Variants in FARP2 observed in about 807,000 individuals in gnomAD.
The protein encoded by FARP2 is FERM, ARHGEF and pleckstrin domain-containing protein 2.
FARP2 carries 111 observed loss-of-function variants against 130.5 expected under a neutral mutation model. That is an observed-to-expected ratio of 0.85 (90% CI 0.73 to 1.00). The LOEUF (loss-of-function observed/expected upper bound fraction) is 1.00, where lower values mean the gene tolerates loss of function less well. Among genes scored for constraint, FARP2 ranks in the 50% least tolerant of loss-of-function variants. The pLI is 0.00. For synonymous variants in FARP2, 504 were observed against 516.9 expected, an observed-to-expected ratio of 0.98 and a Z score of 0.34; for missense variants, 1,385 against 1,346.3, an observed-to-expected ratio of 1.03 and a Z score of -0.45.
At chr2:241,401,876 G>A (rs1014460688) in intron 2 of FARP2, among the ~76,000 whole-genome samples, 1 of 151,630 alleles carries the variant, frequency 6.6e-6, no homozygotes, top group Non-Finnish European at 1.5e-5. Flanking sequence ...TGCAACATCC[G>A]CCTCCCGGGT....
At chr2:241,493,783 G>T (rs780172103) in intron 26 of FARP2, 1 of 485,034 alleles carries the variant, frequency 2.1e-6, no homozygotes, top group Admixed American at 3.7e-5. Context: ...TTTTAGTAGA[G>T]ACAGGGTTTC....
intron 13 of FARP2, among the ~76,000 whole-genome samples, chr2:241,448,401 A>G (rs999451837): frequency 1.3e-5 from 2 of 152,244 alleles, no homozygotes; most frequent in Admixed American, 1.3e-4. Context: ...TTCTTCAAAT[A>G]TGTCAGTTCA....
chr2:241,357,676 C>T (rs13413380), intron 1 of FARP2, among the ~76,000 whole-genome samples: 28,915 of 152,028 alleles, frequency 0.19, 3,087 homozygotes, highest in Middle Eastern at 0.35. Flanking sequence ...TCTCATGTGC[C>T]CTATCCTTGT....
chr2:241,478,699 TGTAAA>T (rs1393134180), intron 19 of FARP2: 3 of 479,500 alleles, frequency 6.3e-6, no homozygotes, highest in African/African-American at 2.0e-5. Context: ...TAATAAAACT[TGTAAA>T]GGACAAAATT....
chr2:241,489,739 T>G, intron 21 of FARP2: 1 of 467,980 alleles, frequency 2.1e-6, no homozygotes, highest in Non-Finnish European at 3.8e-6. Flanking sequence ...CCGGTGAGTA[T>G]TTGGGTGCCC....
At chr2:241,426,285 G>A (rs2062938189) in intron 8 of FARP2, among the ~76,000 whole-genome samples, 1 of 152,158 alleles carries the variant, frequency 6.6e-6, no homozygotes, top group Middle Eastern at 3.2e-3. Context: ...ACATGCCGGT[G>A]AAGCAAATGA....
rs145924606 is a variant in FARP2, at chr2:241,458,449, G to A, written c.1587+1527G>A. Among the ~76,000 whole-genome samples the A allele has an allele frequency of 5.9e-5, 9 of 152,306 alleles. No homozygotes were observed. The East Asian group carries it at 1.7e-3, about 29-fold the overall frequency. ...ACTCTCAGCAGGTAGGATGGCACAGGCAGGGCAGTCTCCTCCTTCCTGGTG... is the reference window on the plus strand; with the variant it reads ...ACTCTCAGCAGGTAGGATGGCACAGACAGGGCAGTCTCCTCCTTCCTGGTG... On this transcript the variant is annotated intron_variant, in intron 14 of 26. Transcript: ENST00000264042.
intron 13 of FARP2, among the ~76,000 whole-genome samples, chr2:241,452,198 A>G (rs1042271941): frequency 3.9e-5 from 6 of 152,222 alleles, no homozygotes; most frequent in Admixed American, 3.3e-4. Flanking sequence ...ATCCTGTCGT[A>G]TGTCACTGTG....
At chr2:241,409,745 TC>T (rs1429042576) in intron 5 of FARP2, among the ~76,000 whole-genome samples, 5 of 152,130 alleles carry the variant, frequency 3.3e-5, no homozygotes, top group African/African-American at 1.2e-4. Context: ...GGTTGATTTT[TC>T]CCCCCACTTA....
chr2:241,466,669 C>T, intron 17 of FARP2: 1 of 915,990 alleles, frequency 1.1e-6, no homozygotes, highest in East Asian at 1.3e-4. Context: ...GCCAGCCCCG[C>T]CTTCACTCCC....
chr2:241,388,997 G>A (rs139338485), intron 2 of FARP2, among the ~76,000 whole-genome samples: 40 of 152,240 alleles, frequency 2.6e-4, no homozygotes, highest in African/African-American at 9.2e-4. Context: ...GAATAGACAT[G>A]AGGCGGGGTG....
At chr2:241,480,522 C>T (rs1282582215) in intron 19 of FARP2, among the ~76,000 whole-genome samples, 2 of 118,148 alleles carry the variant, frequency 1.7e-5, no homozygotes, top group Admixed American at 9.7e-5. Flanking sequence ...AATAGATAGG[C>T]TTGTGTTGTG....
rs1351028463 is a variant in FARP2 at position 241,463,925 on chromosome 2, A to C, written c.1838A>C (p.Lys613Thr). Residue 613 changes from lysine to threonine, a missense_variant, in exon 17 of 27, where the codon AAA becomes ACA. Transcript: ENST00000264042. Reference sequence around the variant, plus strand: ...GAAGGGCCCTCCAAAGCCCACACAAAAGGCAGTCATCAACGAATCGGGGAC... The same window carrying C: ...GAAGGGCCCTCCAAAGCCCACACAACAGGCAGTCATCAACGAATCGGGGAC... ...LWEGPSKAHT[K>T]GSHQRIGDIL... The C allele has an allele frequency of 3.1e-6, 5 of 1,613,970 alleles. No individual in the cohort carries two copies. The highest frequency in any genetic ancestry group is 4.2e-6 in the Non-Finnish European group (5 of 1,179,896).
chr2:241,484,897 C>T (rs2064713970), intron 21 of FARP2, among the ~76,000 whole-genome samples: 2 of 152,152 alleles, frequency 1.3e-5, no homozygotes, highest in South Asian at 4.1e-4. Context: ...CTGCACTAGG[C>T]CTAGAACGGT....
In FARP2 at chr2:241,457,712, CCGCT is replaced by C. The variant is rs554888303; in HGVS notation, c.1587+791_1587+794del. Among the ~76,000 whole-genome samples, 153 of 140,800 alleles carry C rather than the reference CCGCT, an allele frequency of 1.1e-3. 1 individual carries two copies. Among genetic ancestry groups the C allele is most frequent in the African/African-American group, 3.9e-3 (143 of 36,552 alleles). 92.4% of individuals were successfully genotyped at this position (140,800 alleles called of 152,430 possible). On this transcript the variant is annotated intron_variant, in intron 14 of 26. Coordinates refer to ENST00000264042, the MANE Select transcript of FARP2 (RefSeq NM_014808.4). ...GTGCTAAGGGAGGGTGCACTAAGGA[CCGCT>C]TTGGGTTCTGGAGAGGCTCTTGGGC...
chr2:241,439,906 C>T (rs1241600728), intron 12 of FARP2, among the ~76,000 whole-genome samples: 2 of 151,890 alleles, frequency 1.3e-5, no homozygotes, highest in East Asian at 3.9e-4. Context: ...TGCAGTGAGC[C>T]GAGATGGCAC....
intron 2 of FARP2, among the ~76,000 whole-genome samples, chr2:241,383,650 C>G (rs1265323152): frequency 6.6e-6 from 1 of 152,064 alleles, no homozygotes; most frequent in Non-Finnish European, 1.5e-5. Flanking sequence ...CAGGATGTGG[C>G]TTGGGCAGAA....
At chr2:241,436,619 A>C in intron 12 of FARP2, 81 bp downstream of exon 12, 1 of 1,112,342 alleles carries the variant, frequency 9.0e-7, no homozygotes, top group Non-Finnish European at 1.4e-6. Context: ...TATTGTAACA[A>C]GAGTCTTAAA....
chr2:241,374,308 G>T (rs1467685056), intron 2 of FARP2, among the ~76,000 whole-genome samples: 2 of 152,136 alleles, frequency 1.3e-5, no homozygotes, highest in African/African-American at 4.8e-5. Flanking sequence ...ACCGTGCCCA[G>T]CCAAAAGTTC....
Sources: allele counts gnomAD v4.1 joint callset (sites outside exome capture counted in the v4.1 genomes callset), GRCh38; gene constraint gnomAD v4.1.1; transcripts MANE v1.5; gene names NCBI Gene and HGNC (gene_info 2026-07-23, HGNC 2026-07-21).